The following SLC8A1 variants were observed in gnomAD, a reference collection of about 807,000 sequenced individuals.
SLC8A1 encodes the protein sodium/calcium exchanger 1.
SLC8A1 carries 18 observed loss-of-function variants against 68.3 expected under a neutral mutation model. That is an observed-to-expected ratio of 0.26 (90% CI 0.18 to 0.39). SLC8A1 has a LOEUF of 0.39. SLC8A1 is among the 10% of genes least tolerant of loss of function. SLC8A1 has a pLI of 1.00. For synonymous variants in SLC8A1, 475 were observed against 415.5 expected, an observed-to-expected ratio of 1.14 and a Z score of -1.74; for missense variants, 985 against 1,156.7, an observed-to-expected ratio of 0.85 and a Z score of 2.15.
At chr2:40,402,579 A>G (rs1214198642) in intron 2 of SLC8A1, among the ~76,000 whole-genome samples, 3 of 152,194 alleles carry the variant, frequency 2.0e-5, no homozygotes, top group Non-Finnish European at 4.4e-5. Context: ...ACACAACTGT[A>G]GGCTTTTATT....
At chr2:40,380,375 G>A (rs1398512472) in intron 2 of SLC8A1, among the ~76,000 whole-genome samples, 1 of 152,090 alleles carries the variant, frequency 6.6e-6, no homozygotes, top group Admixed American at 6.6e-5. Flanking sequence ...CTTTAGCATA[G>A]GCATTAATGT....
At chr2:40,179,794 T>C (rs1004003961) in intron 2 of SLC8A1, among the ~76,000 whole-genome samples, 8 of 152,220 alleles carry the variant, frequency 5.3e-5, no homozygotes, top group Non-Finnish European at 1.0e-4. Context: ...ATCAGTCTTC[T>C]TTCCTAATAT....
chr2:40,510,456 G>A (rs1706646974), intron 1 of SLC8A1, among the ~76,000 whole-genome samples: 4 of 152,216 alleles, frequency 2.6e-5, no homozygotes, highest in Non-Finnish European at 5.9e-5. Context: ...CGAGAAGATA[G>A]TAGCTGATAT....
At chr2:40,123,806 AT>A (rs2037458480) in intron 7 of SLC8A1, among the ~76,000 whole-genome samples, 1 of 152,240 alleles carries the variant, frequency 6.6e-6, no homozygotes, top group South Asian at 2.1e-4. Context: ...CTAAAAACAA[AT>A]AGCTGAATTA....
At chr2:40,350,955 A>G (rs920204788) in intron 2 of SLC8A1, among the ~76,000 whole-genome samples, 3 of 152,176 alleles carry the variant, frequency 2.0e-5, no homozygotes, top group Non-Finnish European at 2.9e-5. Context: ...AGGCTAGTAT[A>G]TGGCAGAGCT....
At chr2:40,215,638 C>T (rs895594409) in intron 2 of SLC8A1, among the ~76,000 whole-genome samples, 25 of 91,938 alleles carry the variant, frequency 2.7e-4, no homozygotes, top group Middle Eastern at 7.9e-3. Context: ...AGCGAGACTC[C>T]GTCTCAAAAA....
At chr2:40,167,128 A>T (rs1472764084) in intron 4 of SLC8A1, among the ~76,000 whole-genome samples, 1 of 152,210 alleles carries the variant, frequency 6.6e-6, no homozygotes, top group East Asian at 1.9e-4. Context: ...GGAATAAGCA[A>T]ATGAAGTCAA....
At chr2:40,361,357 C>T (rs113997473) in intron 2 of SLC8A1, among the ~76,000 whole-genome samples, 2,171 of 152,124 alleles carry the variant, frequency 0.014, 56 homozygotes, top group African/African-American at 0.049. Flanking sequence ...GGGCTTATTG[C>T]TATGATTTGG....
intron 2 of SLC8A1, among the ~76,000 whole-genome samples, chr2:40,261,966 CTTT>C (rs35330106): frequency 1.4e-5 from 2 of 142,086 alleles, no homozygotes; most frequent in African/African-American, 2.6e-5. Flanking sequence ...TGTCTTTTCA[CTTT>C]TTTTTTTTTT....
intron 2 of SLC8A1, among the ~76,000 whole-genome samples, chr2:40,259,830 T>C (rs752049386): frequency 4.6e-5 from 7 of 152,200 alleles, no homozygotes; most frequent in Non-Finnish European, 1.0e-4. Context: ...AAATAAGCTT[T>C]AATTTTCTCT....
chr2:40,368,530 T>A (rs1676980433), intron 2 of SLC8A1, among the ~76,000 whole-genome samples: 1 of 152,068 alleles, frequency 6.6e-6, no homozygotes, highest in South Asian at 2.1e-4. Flanking sequence ...TTTACTGATT[T>A]TATTTAAAAA....
chr2:40,157,940 T>G (rs2044879128), intron 6 of SLC8A1, among the ~76,000 whole-genome samples: 1 of 152,196 alleles, frequency 6.6e-6, no homozygotes, highest in Non-Finnish European at 1.5e-5. Flanking sequence ...GCCCAAGTAC[T>G]GAGCTATGAA....
chr2:40,341,200 T>A (rs1241720492), intron 2 of SLC8A1, among the ~76,000 whole-genome samples: 1 of 152,214 alleles, frequency 6.6e-6, no homozygotes, highest in African/African-American at 2.4e-5. Context: ...AGTGTGAGAC[T>A]GAAAATTAGT....
At chr2:40,511,768 C>G (rs968814780) in intron 1 of SLC8A1, among the ~76,000 whole-genome samples, 8 of 152,098 alleles carry the variant, frequency 5.3e-5, no homozygotes, top group Admixed American at 3.9e-4. Flanking sequence ...CTTCAACTTG[C>G]GTAAGACCCC....
intron 4 of SLC8A1, among the ~76,000 whole-genome samples, chr2:40,166,584 T>C (rs1019177801): frequency 3.9e-5 from 6 of 152,184 alleles, no homozygotes; most frequent in Admixed American, 1.3e-4. Context: ...ATATTTTTTA[T>C]AGTAGGATTG....
At chr2:40,497,280 T>G (rs1386209135) in intron 1 of SLC8A1, among the ~76,000 whole-genome samples, 1 of 152,088 alleles carries the variant, frequency 6.6e-6, no homozygotes. Context: ...TTATTTTGAC[T>G]TATTAGCTTT....
intron 2 of SLC8A1, among the ~76,000 whole-genome samples, chr2:40,253,143 G>GTA: frequency 1.8e-5 from 2 of 110,134 alleles, no homozygotes; most frequent in Non-Finnish European, 3.5e-5. Context: ...ATATGTATAT[G>GTA]TATATACATA....
At chr2:40,465,552 T>A (rs1311422366) in intron 1 of SLC8A1, among the ~76,000 whole-genome samples, 1 of 152,176 alleles carries the variant, frequency 6.6e-6, no homozygotes, top group Non-Finnish European at 1.5e-5. Flanking sequence ...CATCATCTCT[T>A]TTAATGTGGT....
intron 2 of SLC8A1, among the ~76,000 whole-genome samples, chr2:40,347,081 A>G (rs550123082): frequency 6.6e-6 from 1 of 152,326 alleles, no homozygotes; most frequent in South Asian, 2.1e-4. Flanking sequence ...CTTTGTATAG[A>G]AGGTTGGTGT....
Sources: gnomAD v4.1 joint callset for allele counts (sites outside exome capture counted in the v4.1 genomes callset) on GRCh38, gnomAD v4.1.1 for gene constraint, MANE v1.5 for transcripts, NCBI Gene and HGNC (gene_info 2026-07-23, HGNC 2026-07-21) for gene names.